PSD3: variants seen among roughly 807,000 people sequenced by gnomAD.
PSD3 encodes pleckstrin and Sec7 domain containing 3.
PSD3 carries 49 observed loss-of-function variants against 105.5 expected under a neutral mutation model. The ratio of observed to expected loss-of-function variants is 0.46; its 90% CI spans 0.37 to 0.59. The LOEUF (loss-of-function observed/expected upper bound fraction) is 0.59, where lower values mean the gene tolerates loss of function less well. Among genes scored for constraint, PSD3 ranks in the 20% least tolerant of loss-of-function variants. PSD3 has a pLI of 0.00. For synonymous variants in PSD3, 557 were observed against 457.8 expected, an observed-to-expected ratio of 1.22 and a Z score of -2.77; for missense variants, 1,561 against 1,263.8, an observed-to-expected ratio of 1.24 and a Z score of -3.57.
intron 9 of PSD3, among the ~76,000 whole-genome samples, chr8:18,682,216 C>A (rs888904474): frequency 3.3e-5 from 5 of 152,174 alleles, no homozygotes; most frequent in Admixed American, 1.3e-4. Flanking sequence ...AGTAGGACTA[C>A]AACAGAGTTA....
At chr8:18,778,729 A>C (rs991654460) in intron 8 of PSD3, among the ~76,000 whole-genome samples, 3 of 151,816 alleles carry the variant, frequency 2.0e-5, no homozygotes, top group Non-Finnish European at 4.4e-5. Flanking sequence ...TAAAAATATA[A>C]TTTTTGACCT....
chr8:19,039,452 T>C (rs910314742), intron 1 of PSD3, among the ~76,000 whole-genome samples: 3 of 152,186 alleles, frequency 2.0e-5, no homozygotes, highest in Non-Finnish European at 4.4e-5. Flanking sequence ...CTTCATCTCC[T>C]CCTCCTGACT....
intron 13 of PSD3, 144 bp downstream of exon 13, chr8:18,574,984 G>T: frequency 1.3e-6 from 1 of 757,716 alleles, no homozygotes; most frequent in Non-Finnish European, 1.9e-6. Flanking sequence ...ATCTTCTTAG[G>T]CAGTTATTTC....
chr8:18,973,190 C>T (rs963039389), intron 1 of PSD3, among the ~76,000 whole-genome samples: 6 of 152,030 alleles, frequency 3.9e-5, no homozygotes, highest in East Asian at 1.9e-4. Context: ...AACACTGACA[C>T]GTGAAAGTAT....
intron 8 of PSD3, among the ~76,000 whole-genome samples, chr8:18,791,869 T>G: frequency 6.6e-6 from 1 of 152,042 alleles, no homozygotes; most frequent in East Asian, 1.9e-4. Flanking sequence ...GGAATTTAAA[T>G]GTATAAGGAA....
chr8:18,799,957 A>G (rs918205144), intron 7 of PSD3, among the ~76,000 whole-genome samples: 1 of 152,224 alleles, frequency 6.6e-6, no homozygotes, highest in Non-Finnish European at 1.5e-5. Context: ...CATAAATTAA[A>G]GCCAGGGTAT....
chr8:19,079,794 A>G (rs1425564277), intron 1 of PSD3, among the ~76,000 whole-genome samples: 2 of 152,212 alleles, frequency 1.3e-5, no homozygotes, highest in Non-Finnish European at 2.9e-5. Flanking sequence ...AGTTTTCCCT[A>G]AGAAAGGTAA....
intron 1 of PSD3, among the ~76,000 whole-genome samples, chr8:18,953,384 CATATAA>C (rs1283280787): frequency 2.0e-5 from 3 of 152,130 alleles, no homozygotes; most frequent in South Asian, 4.1e-4. Context: ...CAAGGCAACA[CATATAA>C]ATATATCAAT....
intron 4 of PSD3, chr8:18,849,125 G>C (rs1321560786): frequency 6.6e-6 from 1 of 152,114 alleles, no homozygotes; most frequent in African/African-American, 2.4e-5. Flanking sequence ...CAACTAAATA[G>C]GTATTCATCT....
intron 15 of PSD3, among the ~76,000 whole-genome samples, chr8:18,553,998 C>T (rs1031847613): frequency 5.9e-5 from 9 of 152,056 alleles, no homozygotes; most frequent in Non-Finnish European, 1.3e-4. Context: ...TTAATCCCTG[C>T]AAAACTTGGT....
At chr8:18,575,000 T>C (rs113338668) in intron 13 of PSD3, 128 bp downstream of exon 13, 26 of 889,176 alleles carry the variant, frequency 2.9e-5, no homozygotes, top group Middle Eastern at 5.5e-4. Context: ...ATTTCTCTAA[T>C]GTAAGCAGTT....
intron 9 of PSD3, among the ~76,000 whole-genome samples, chr8:18,756,511 G>T (rs1444073360): frequency 1.3e-5 from 2 of 151,682 alleles, no homozygotes; most frequent in African/African-American, 2.4e-5. Context: ...TGAGAGCTAA[G>T]AGAGTTAACA....
intron 2 of PSD3, among the ~76,000 whole-genome samples, chr8:18,883,391 C>T (rs2129458873): frequency 6.6e-6 from 1 of 152,276 alleles, no homozygotes; most frequent in East Asian, 1.9e-4. Flanking sequence ...CCTCAAATTA[C>T]CAAGTAACCC....
rs560752770 is a variant in PSD3 at position 18,913,179 on chromosome 8, GTCTT to G, written c.130+22851_130+22854del. Among the ~76,000 whole-genome samples the G allele has an allele frequency of 2.0e-5, 3 of 151,352 alleles. No homozygotes were observed. The East Asian group carries it at 5.8e-4, about 29-fold the overall frequency. On this transcript the variant is annotated intron_variant, in intron 2 of 15. Transcript: ENST00000327040. The stretch of plus-strand genomic sequence containing the variant: ...TACCTCCTAATTGCTAGATGCTTCA[GTCTT>G]TATTGGACTGGACTCATCCATGGCA...
chr8:18,612,420 T>G (rs541365060), intron 11 of PSD3, among the ~76,000 whole-genome samples: 184 of 152,166 alleles, frequency 1.2e-3, no homozygotes, highest in African/African-American at 4.3e-3. Flanking sequence ...GTTGCCAGAC[T>G]GGAGAGCAGC....
intron 12 of PSD3, among the ~76,000 whole-genome samples, chr8:18,584,089 A>G (rs1038361441): frequency 3.3e-5 from 5 of 152,216 alleles, no homozygotes; most frequent in Admixed American, 6.5e-5. Context: ...TGGGAACAAT[A>G]GACCTGAAAA....
intron 8 of PSD3, chr8:18,774,948 G>A (rs1426193495): frequency 4.4e-6 from 2 of 456,060 alleles, no homozygotes; most frequent in Non-Finnish European, 8.8e-6. Context: ...GCTGCCAAAT[G>A]CCCCGAGGGA....
intron 4 of PSD3, among the ~76,000 whole-genome samples, chr8:18,837,362 T>A (rs1431560468): frequency 1.3e-5 from 2 of 152,188 alleles, no homozygotes; most frequent in African/African-American, 4.8e-5. Flanking sequence ...CATGTATTTA[T>A]AAACTACTCA....
rs3739400 is a variant in PSD3, at chr8:18,528,206, C to T, written c.*7537G>A. The stretch of plus-strand genomic sequence containing the variant: ...TGCAGGGAGGTGGTTAGGCCTTTAC[C>T]TAACAGCTCTGATCTGGACTGAACA... On this transcript the variant is annotated 3_prime_UTR_variant, in exon 16 of 16. Coordinates refer to ENST00000327040, the MANE Select transcript of PSD3 (RefSeq NM_015310.4). 3 of 152,208 alleles carry T rather than the reference C, an allele frequency of 2.0e-5. No homozygotes were observed. The East Asian group carries it at 5.8e-4, about 29-fold the overall frequency. The allele number at this position is 152,208 out of a possible 1,614,324, so 9.4% of individuals were successfully genotyped here.
Sources: allele counts gnomAD v4.1 joint callset (sites outside exome capture counted in the v4.1 genomes callset), GRCh38; gene constraint gnomAD v4.1.1; transcripts MANE v1.5; gene names NCBI Gene and HGNC (gene_info 2026-07-23, HGNC 2026-07-21).